The following RPS26 variants were observed in gnomAD, a reference collection of about 807,000 sequenced individuals.
RPS26 encodes ribosomal protein S26, also known as small ribosomal subunit protein eS26.
Under a neutral mutation model 14.7 loss-of-function variants are expected in RPS26, and 1 was observed. That is an observed-to-expected ratio of 0.07 (90% CI 0.02 to 0.32). RPS26 has a LOEUF of 0.32. Ranked by LOEUF, RPS26 falls within the 10% of genes least tolerant of loss-of-function variation. RPS26 has a pLI of 1.00. For synonymous variants in RPS26, 59 were observed against 53.1 expected (o/e 1.11, Z -0.48); for missense variants, 63 against 157.7 (o/e 0.40, Z 3.22).
rs1895889546 is a variant in RPS26, at chr12:56,042,001, T to C, written c.-166T>C. On this transcript the variant is annotated 5_prime_UTR_variant, in exon 1 of 4. Transcript: ENST00000646449. ...AAACACTAGGAACGCATTTCCACCC[T>C]AGATTTCAGCAGAAATGCTGAATGT... 1 of 753,268 alleles carries C rather than the reference T, an allele frequency of 1.3e-6. No homozygotes were observed. The highest frequency in any genetic ancestry group is 2.4e-6 in the Non-Finnish European group (1 of 424,454). 46.7% of individuals were successfully genotyped at this position (753,268 alleles called of 1,614,324 possible).
At position 56,042,327 on chromosome 12, in the gene RPS26, C is replaced by G. The variant is rs7957187; in HGVS notation, c.4-98C>G. The G allele has an allele frequency of 0.015, 22,361 of 1,522,708 alleles. 2,753 individuals carry two copies. In the African/African-American group the frequency reaches 0.27, roughly 18 times the overall value. 94.3% of individuals were successfully genotyped at this position (1,522,708 alleles called of 1,614,324 possible). On this transcript the variant is annotated intron_variant, in intron 1 of 3. Transcript: ENST00000646449. The stretch of plus-strand genomic sequence containing the variant: ...GCGGAGAAACAGGAGATCCGAGCGG[C>G]GCCTTCCTGGAGGCTGCCGGTGCGG...
intron 2 of RPS26, chr12:56,043,028 T>G: frequency 2.5e-6 from 1 of 397,700 alleles, no homozygotes; most frequent in Non-Finnish European, 4.7e-6. Flanking sequence ...TTTTTCCTTT[T>G]ATAGAAAGAG....
intron 3 of RPS26, among the ~76,000 whole-genome samples, chr12:56,043,811 T>TAAA: frequency 6.9e-6 from 1 of 144,082 alleles, no homozygotes; most frequent in South Asian, 2.2e-4. Flanking sequence ...CCTTGTCTCT[T>TAAA]AAAAAAAAAA....
In RPS26 at chr12:56,042,136, C is replaced by T. The variant is rs17118262; in HGVS notation, c.-31C>T. The T allele has an allele frequency of 3.2e-4, 524 of 1,613,730 alleles. No individual in the cohort carries two copies. The highest frequency in any genetic ancestry group is 4.2e-4 in the Non-Finnish European group (490 of 1,179,672). ...CTATATAGGAGGGCCCTGCCAGGCA[C>T]CGTCTCCTCTCTCCGGTCCGTGCCT... On this transcript the variant is annotated 5_prime_UTR_variant, in exon 1 of 4. Coordinates refer to ENST00000646449, the MANE Select transcript of RPS26 (RefSeq NM_001029.5).
intron 2 of RPS26, chr12:56,043,018 T>C: frequency 2.5e-6 from 1 of 398,198 alleles, no homozygotes; most frequent in Non-Finnish European, 4.7e-6. Flanking sequence ...TCGCTTTGTT[T>C]TTTTCCTTTT....
At chr12:56,043,283 T>C in intron 2 of RPS26, 80 bp from the exon 3 acceptor site, 13 of 1,335,510 alleles carry the variant, frequency 9.7e-6, no homozygotes, top group East Asian at 4.6e-5. Flanking sequence ...GACGTAAACA[T>C]GTAAGGTGCT....
chr12:56,042,537 T>G lies in RPS26; in HGVS notation c.116T>G (p.Phe39Cys). 1 of 1,601,250 alleles carries G rather than the reference T, an allele frequency of 6.2e-7. No homozygotes were observed. Among genetic ancestry groups the G allele is most frequent in the Non-Finnish European group, 8.5e-7 (1 of 1,178,834 alleles). Reference sequence around the variant, plus strand: ...CCCAAGGACAAGGCCATTAAGAAATTCGTCATTCGAAACATAGTGGAGGCC... The same window carrying G: ...CCCAAGGACAAGGCCATTAAGAAATGCGTCATTCGAAACATAGTGGAGGCC... ...CVPKDKAIKK[F>C]VIRNIVEAAA... Residue 39 changes from phenylalanine to cysteine, a missense_variant, in exon 2 of 4, where the codon TTC becomes TGC. Transcript: ENST00000646449.
intron 3 of RPS26, 74 bp from the exon 4 acceptor site, chr12:56,044,044 TG>T: frequency 8.1e-7 from 1 of 1,234,442 alleles, no homozygotes; most frequent in Non-Finnish European, 1.2e-6. Flanking sequence ...GAGAGGATGG[TG>T]GTCAAGTTCT....
chr12:56,043,133 G>A lies in RPS26; in HGVS notation c.182-230G>A, dbSNP rs71459335. 10,185 of 512,892 alleles carry A rather than the reference G, an allele frequency of 0.02. 140 individuals carry two copies. The highest frequency in any genetic ancestry group is 0.027 in the Non-Finnish European group (7,517 of 282,140). 31.8% of individuals were successfully genotyped at this position (512,892 alleles called of 1,614,324 possible). On this transcript the variant is annotated intron_variant, in intron 2 of 3. Coordinates refer to ENST00000646449, the MANE Select transcript of RPS26 (RefSeq NM_001029.5). ...AGAATGTCAGTCTGGTCCTTGCGGT[G>A]TCAAGATGAACTCACGTGGGATGTT...
chr12:56,043,591 G>T lies in RPS26; in HGVS notation c.312+98G>T, dbSNP rs893247468. The T allele has an allele frequency of 2.1e-5, 26 of 1,220,258 alleles. No homozygotes were observed. In the Middle Eastern group the frequency reaches 5.8e-4, roughly 27 times the overall value. The allele number at this position is 1,220,258 out of a possible 1,614,324, so 75.6% of individuals were successfully genotyped here. On this transcript the variant is annotated intron_variant, in intron 3 of 3. Transcript: ENST00000646449. Reference sequence around the variant, plus strand: ...CCTATACCTGTAACCTCAACACTTTGGGAGGCTGGGACAAGAAGATTGCTA... The same window carrying T: ...CCTATACCTGTAACCTCAACACTTTTGGAGGCTGGGACAAGAAGATTGCTA...
chr12:56,043,457 C>T lies in RPS26; in HGVS notation c.276C>T (p.Arg92=). The T allele has an allele frequency of 6.2e-7, 1 of 1,613,636 alleles. No homozygotes were observed. Among genetic ancestry groups the T allele is most frequent in the Non-Finnish European group, 8.5e-7 (1 of 1,179,846 alleles). The change falls in exon 3 of 4, where the codon CGC becomes CGT. Residue 92 remains arginine, a synonymous_variant. Transcript: ENST00000646449. ...KVVRNRSREA[R]KDRTPPPRFR... ...TCAGGAATCGATCTCGTGAAGCCCGCAAGGACCGAACACCCCCACCCCGAT... is the reference window on the plus strand; with the variant it reads ...TCAGGAATCGATCTCGTGAAGCCCGTAAGGACCGAACACCCCCACCCCGAT...
intron 2 of RPS26, chr12:56,042,982 G>A (rs957946281): frequency 1.2e-5 from 5 of 409,864 alleles, no homozygotes; most frequent in Non-Finnish European, 1.8e-5. Flanking sequence ...TGGTGTGCAA[G>A]GATGATGTTT....
In RPS26 at chr12:56,042,186, G is replaced by GGTGA; in HGVS notation, c.3+19_3+22dup. The GGTGA allele has an allele frequency of 6.2e-7, 1 of 1,614,080 alleles. No homozygotes were observed. Among genetic ancestry groups the GGTGA allele is most frequent in the Non-Finnish European group, 8.5e-7 (1 of 1,180,008 alleles). On this transcript the variant is annotated intron_variant, in intron 1 of 3. Transcript: ENST00000646449. The stretch of plus-strand genomic sequence containing the variant: ...TCCAAGATGGTGAGTCTTCTTGCGT[G>GGTGA]GTGAGGGTGGGGGTTCGGGTGCAGA...
chr12:56,043,739 A>G (rs1895924168), intron 3 of RPS26, among the ~76,000 whole-genome samples: 1 of 151,880 alleles, frequency 6.6e-6, no homozygotes, highest in South Asian at 2.1e-4. Context: ...TGAGCCCAGG[A>G]GTTTGAGGTT....
At position 56,044,245 on chromosome 12, in the gene RPS26, G is replaced by A; in HGVS notation, c.*91G>A. The A allele has an allele frequency of 9.8e-7, 1 of 1,018,346 alleles. No individual in the cohort carries two copies. The highest frequency in any genetic ancestry group is 1.3e-5 in the South Asian group (1 of 77,954). The allele number at this position is 1,018,346 out of a possible 1,614,324, so 63.1% of individuals were successfully genotyped here. A position where few individuals can be genotyped will look rare whatever the true frequency, so the allele number is the denominator to read the frequency against. On this transcript the variant is annotated 3_prime_UTR_variant, in exon 4 of 4. Transcript: ENST00000646449. ...TTAATATTGCATGTTAAGTGTATCT[G>A]TGCCAGATAAGGTGGGGATTTTGTG...
In RPS26 at chr12:56,044,666, T is replaced by C. The variant is rs886280550; in HGVS notation, c.*512T>C. Reference sequence around the variant, plus strand: ...GCTATTTATGTAAATTAAACTTTAATTGTGGTCGTATGGTTGGCCTCACAA... The same window carrying C: ...GCTATTTATGTAAATTAAACTTTAACTGTGGTCGTATGGTTGGCCTCACAA... On this transcript the variant is annotated 3_prime_UTR_variant, in exon 4 of 4. Coordinates refer to ENST00000646449, the MANE Select transcript of RPS26 (RefSeq NM_001029.5). 3 of 156,448 alleles carry C rather than the reference T, an allele frequency of 1.9e-5. No individual in the cohort carries two copies. Among genetic ancestry groups the C allele is most frequent in the Admixed American group, 1.9e-4 (3 of 15,966 alleles). 9.7% of individuals were successfully genotyped at this position (156,448 alleles called of 1,614,324 possible).
chr12:56,042,767 C>T (rs560279404), intron 2 of RPS26, 165 bp downstream of exon 2: 3 of 701,672 alleles, frequency 4.3e-6, no homozygotes, highest in Non-Finnish European at 7.7e-6. Flanking sequence ...CGTTTTGATT[C>T]TTTTCTGGGC....
chr12:56,042,307 G>A, intron 1 of RPS26, 118 bp from the exon 2 acceptor site: 1 of 1,512,978 alleles, frequency 6.6e-7, no homozygotes, highest in Non-Finnish European at 9.2e-7. Flanking sequence ...GATTTGCGGA[G>A]AAACAGGAGA....
chr12:56,043,078 A>G (rs1895911848), intron 2 of RPS26: 2 of 429,746 alleles, frequency 4.7e-6, no homozygotes, highest in South Asian at 2.1e-5. Flanking sequence ...GTAGGTGTAG[A>G]AGGAACTGGA....
Sources: allele counts gnomAD v4.1 joint callset (sites outside exome capture counted in the v4.1 genomes callset), GRCh38; gene constraint gnomAD v4.1.1; transcripts MANE v1.5; gene names NCBI Gene and HGNC (gene_info 2026-07-23, HGNC 2026-07-21).